The following CTNNA2 variants were observed in gnomAD, a reference collection of about 807,000 sequenced individuals.
The protein encoded by CTNNA2 is catenin alpha-2.
A neutral mutation model predicts 101.0 loss-of-function variants in CTNNA2; 42 were observed. The observed-to-expected ratio is 0.42, with a 90% CI of 0.32 to 0.54. The LOEUF (loss-of-function observed/expected upper bound fraction) is 0.54, where lower values mean the gene tolerates loss of function less well. CTNNA2 is among the 20% of genes least tolerant of loss of function. The probability of loss-of-function intolerance (pLI) is 0.14; values close to 1 mark genes in which losing one functional copy is unlikely to be tolerated. For synonymous variants in CTNNA2, 450 were observed against 456.4 expected (o/e 0.99, Z 0.18); for missense variants, 871 against 1,223.1 (o/e 0.71, Z 4.29).
chr2:80,301,542 TC>T (rs1676308490), intron 7 of CTNNA2, among the ~76,000 whole-genome samples: 1 of 152,246 alleles, frequency 6.6e-6, no homozygotes, highest in African/African-American at 2.4e-5. Context: ...TGCAATGCTC[TC>T]TGCTTTAAAG....
intron 2 of CTNNA2, among the ~76,000 whole-genome samples, chr2:79,253,835 G>C (rs1405793706): frequency 6.6e-6 from 1 of 152,310 alleles, no homozygotes; most frequent in East Asian, 1.9e-4. Context: ...CGGTGATAGA[G>C]TTTATGACTG....
At chr2:79,356,976 T>C (rs1677522183) in intron 3 of CTNNA2, among the ~76,000 whole-genome samples, 1 of 152,166 alleles carries the variant, frequency 6.6e-6, no homozygotes, top group African/African-American at 2.4e-5. Context: ...AACTAGAATC[T>C]GTTTCAAAAG....
At chr2:80,367,314 G>T (rs1201489231) in intron 7 of CTNNA2, among the ~76,000 whole-genome samples, 1 of 152,084 alleles carries the variant, frequency 6.6e-6, no homozygotes, top group Non-Finnish European at 1.5e-5. Context: ...CCAGGTTTGA[G>T]ACCTCCGACT....
chr2:79,419,503 T>C (rs1573157611), intron 4 of CTNNA2, among the ~76,000 whole-genome samples: 1 of 152,014 alleles, frequency 6.6e-6, no homozygotes, highest in Non-Finnish European at 1.5e-5. Flanking sequence ...GATGAGAAGG[T>C]ATAGGGAAAC....
intron 3 of CTNNA2, among the ~76,000 whole-genome samples, chr2:79,334,066 C>T (rs796896166): frequency 2.3e-4 from 35 of 152,230 alleles, no homozygotes; most frequent in African/African-American, 8.4e-4. Flanking sequence ...CCTCAAACAG[C>T]TATCATGTCT....
intron 17 of CTNNA2, chr2:80,612,926 A>G (rs1456727901): frequency 1.3e-5 from 2 of 151,532 alleles, no homozygotes; most frequent in Admixed American, 6.6e-5. Flanking sequence ...GCAGTTCAAA[A>G]TAATTTTATC....
intron 7 of CTNNA2, among the ~76,000 whole-genome samples, chr2:80,329,328 A>C (rs1210921255): frequency 6.6e-6 from 1 of 152,238 alleles, no homozygotes; most frequent in African/African-American, 2.4e-5. Flanking sequence ...ATAAACACTT[A>C]GAGAAAATTC....
At chr2:80,068,837 C>G (rs567759126) in intron 7 of CTNNA2, among the ~76,000 whole-genome samples, 1 of 152,044 alleles carries the variant, frequency 6.6e-6, no homozygotes, top group Non-Finnish European at 1.5e-5. Flanking sequence ...TTCTTATACC[C>G]CTGACTAGTG....
intron 1 of CTNNA2, among the ~76,000 whole-genome samples, chr2:79,189,481 G>T (rs1010637197): frequency 6.6e-6 from 1 of 152,128 alleles, no homozygotes; most frequent in Non-Finnish European, 1.5e-5. Flanking sequence ...ACAAAGAAAA[G>T]ATTGTACTTG....
chr2:79,345,859 ATT>A (rs71385269), intron 3 of CTNNA2, among the ~76,000 whole-genome samples: 33 of 130,526 alleles, frequency 2.5e-4, no homozygotes, highest in Admixed American at 2.3e-4. Context: ...CGCCCGGTTG[ATT>A]TTTTTTTTTT....
At chr2:79,757,584 G>C (rs1471577385) in intron 3 of CTNNA2, among the ~76,000 whole-genome samples, 1 of 152,108 alleles carries the variant, frequency 6.6e-6, no homozygotes, top group East Asian at 1.9e-4. Flanking sequence ...AAAGAGAAAA[G>C]ACAAATATGG....
At chr2:79,305,902 T>G (rs1436125064) in intron 2 of CTNNA2, among the ~76,000 whole-genome samples, 2 of 151,768 alleles carry the variant, frequency 1.3e-5, no homozygotes, top group Middle Eastern at 3.4e-3. Context: ...AAAAATTAGC[T>G]GGGCATGGTG....
chr2:80,622,809 T>A (rs3770370), intron 18 of CTNNA2, among the ~76,000 whole-genome samples: 45,745 of 151,396 alleles, frequency 0.3, 7,954 homozygotes, highest in East Asian at 0.45. Context: ...ATTCCACGAT[T>A]AGAACTGCTT....
chr2:80,647,855 G>A lies in CTNNA2; in HGVS notation c.2845G>A (p.Ala949Thr). 6.2e-7 allele frequency: 1 copy of A among 1,604,306 alleles called. No homozygotes were observed. The change falls in exon 19 of 19, where the codon GCA becomes ACA. Residue 949 changes from alanine (A) to threonine (T), a missense_variant. Ala to Thr is a moderately conservative substitution (Grantham distance 58, BLOSUM62 0). This residue lies in a region of CTNNA2 where 41 missense variants were observed against 45.1 expected (regional missense o/e 0.91). Coordinates refer to ENST00000402739, the MANE Select transcript of CTNNA2 (RefSeq NM_001282597.3). ...SPVQALSEFK[A>T]MDSF ...TGTACAGGCTTTAAGTGAATTCAAA[G>A]CAATGGATTCCTTCTAGGACGATAG... is the stretch of plus-strand genomic sequence containing the variant.
At chr2:80,185,748 C>CA (rs1171662821) in intron 7 of CTNNA2, among the ~76,000 whole-genome samples, 1 of 152,178 alleles carries the variant, frequency 6.6e-6, no homozygotes, top group Admixed American at 6.5e-5. Context: ...CTACCATTTT[C>CA]ACTTGACACA....
intron 9 of CTNNA2, among the ~76,000 whole-genome samples, chr2:80,463,963 T>C (rs1236138737): frequency 2.0e-5 from 3 of 152,192 alleles, no homozygotes; most frequent in Non-Finnish European, 4.4e-5. Flanking sequence ...AGCCCTATTC[T>C]CCTTTTTCAT....
chr2:79,959,653 C>G lies in CTNNA2; in HGVS notation c.1056+49856C>G, dbSNP rs1462540442. On this transcript the variant is annotated intron_variant, in intron 7 of 18. Coordinates refer to ENST00000402739, the MANE Select transcript of CTNNA2 (RefSeq NM_001282597.3). ...CTTGCTAATAGTGTCATGAGGGTAA[C>G]TCCTGAACTGCTGTGCTACTTTGCT... Among the ~76,000 whole-genome samples the G allele has an allele frequency of 2.0e-5, 3 of 152,212 alleles. No individual in the cohort carries two copies. In the East Asian group the frequency reaches 5.8e-4, roughly 29 times the overall value.
intron 2 of CTNNA2, among the ~76,000 whole-genome samples, chr2:79,245,232 C>A (rs920725098): frequency 6.6e-6 from 1 of 152,176 alleles, no homozygotes; most frequent in Non-Finnish European, 1.5e-5. Flanking sequence ...GGGCAGATCA[C>A]CTGAGGTCCA....
rs962287518 is a variant in CTNNA2, at chr2:79,858,059, C to T, written c.345C>T (p.Cys115=). 1.2e-6 allele frequency: 2 copies of T among 1,614,082 alleles called. No individual in the cohort carries two copies. Among genetic ancestry groups the T allele is most frequent in the Non-Finnish European group, 1.7e-6 (2 of 1,179,930 alleles). ...CCTCCGAGTTTGCAGATGACCCTTG[C>T]TCGTCGGTAAAGCGCGGCACCATGG... ...IASSEFADDP[C]SSVKRGTMVR... is the part of the protein sequence containing the mutation. Residue 115 remains cysteine, a synonymous_variant, in exon 4 of 19, where the codon TGC becomes TGT. Transcript: ENST00000402739.
Sources: gnomAD v4.1 joint callset for allele counts (sites outside exome capture counted in the v4.1 genomes callset) on GRCh38, gnomAD v4.1.1 for gene constraint, gnomAD v4.1.1 regional missense constraint, MANE v1.5 for transcripts, NCBI Gene and HGNC (gene_info 2026-07-23, HGNC 2026-07-21) for gene names.